Variants in SLC14A2 observed in about 807,000 individuals in gnomAD.
SLC14A2 encodes urea transporter 2.
A neutral mutation model predicts 104.6 loss-of-function variants in SLC14A2; 91 were observed. The ratio of observed to expected loss-of-function variants is 0.87; its 90% CI spans 0.73 to 1.04. SLC14A2 has a LOEUF of 1.04. Among genes scored for constraint, SLC14A2 ranks in the 50% least tolerant of loss-of-function variants. The pLI is 0.00. For synonymous variants in SLC14A2, 476 were observed against 466.4 expected, an observed-to-expected ratio of 1.02 and a Z score of -0.27; for missense variants, 1,189 against 1,156.0, an observed-to-expected ratio of 1.03 and a Z score of -0.41.
intron 2 of SLC14A2, among the ~76,000 whole-genome samples, chr18:45,545,579 A>G (rs2043956732): frequency 6.6e-6 from 1 of 152,234 alleles, no homozygotes; most frequent in South Asian, 2.1e-4. Context: ...TATAATTATC[A>G]AGAAACACGC....
intron 5 of SLC14A2, 61 bp from the exon 6 acceptor site, chr18:45,636,929 C>G: frequency 7.2e-7 from 1 of 1,385,594 alleles, no homozygotes; most frequent in East Asian, 2.3e-5. Context: ...GCCAGAGCTG[C>G]TGAGACAATG....
At chr18:45,650,746 GT>G (rs61223496) in intron 10 of SLC14A2, among the ~76,000 whole-genome samples, 81,886 of 151,792 alleles carry the variant, frequency 0.54, 22,818 homozygotes, top group African/African-American at 0.68. Flanking sequence ...GTCTTGTTTT[GT>G]TTTGTTTTTG....
chr18:45,670,593 A>G (rs1300635381), intron 16 of SLC14A2, among the ~76,000 whole-genome samples: 1 of 152,222 alleles, frequency 6.6e-6, no homozygotes. Flanking sequence ...AGCGTGGTGT[A>G]GTAGAAAGAG....
chr18:45,679,178 G>A lies in SLC14A2; in HGVS notation c.2562+154G>A, dbSNP rs550460872. Reference sequence around the variant, plus strand: ...CACTACTCACTTCAGCACCTGCTAGGCAGAGGGAGCCAGGCCCCAAAAGTT... The same window carrying A: ...CACTACTCACTTCAGCACCTGCTAGACAGAGGGAGCCAGGCCCCAAAAGTT... On this transcript the variant is annotated intron_variant, in intron 19 of 19. Coordinates refer to ENST00000255226, the MANE Select transcript of SLC14A2 (RefSeq NM_007163.4). Among the ~76,000 whole-genome samples the A allele has an allele frequency of 4.6e-5, 7 of 152,180 alleles. No individual in the cohort carries two copies. The East Asian group carries it at 1.4e-3, about 29-fold the overall frequency.
chr18:45,296,573 A>G (rs563320601), intron 1 of SLC14A2, among the ~76,000 whole-genome samples: 8 of 152,126 alleles, frequency 5.3e-5, no homozygotes, highest in Non-Finnish European at 1.2e-4. Flanking sequence ...CTCAAACTAC[A>G]TGCTGGATTA....
At chr18:45,230,436 A>G (rs1461154261) in intron 1 of SLC14A2, among the ~76,000 whole-genome samples, 1 of 152,172 alleles carries the variant, frequency 6.6e-6, no homozygotes, top group Non-Finnish European at 1.5e-5. Flanking sequence ...TTCATTTTCA[A>G]GGACAGTGAC....
At chr18:45,386,908 G>A (rs1288166575) in intron 1 of SLC14A2, among the ~76,000 whole-genome samples, 2 of 152,228 alleles carry the variant, frequency 1.3e-5, no homozygotes, top group Non-Finnish European at 2.9e-5. Flanking sequence ...GTGAGCACAG[G>A]CAGTAAATGG....
At chr18:45,588,791 A>G (rs979854589) in intron 2 of SLC14A2, among the ~76,000 whole-genome samples, 3 of 152,182 alleles carry the variant, frequency 2.0e-5, no homozygotes, top group African/African-American at 2.4e-5. Flanking sequence ...CACTTCTCCC[A>G]TTCTGGTGAT....
chr18:45,375,546 A>C (rs1439446665), intron 1 of SLC14A2, among the ~76,000 whole-genome samples: 5 of 152,206 alleles, frequency 3.3e-5, no homozygotes, highest in African/African-American at 1.2e-4. Flanking sequence ...AAAAACTCTG[A>C]TTCCAGAATA....
At chr18:45,655,664 A>G (rs2045824003) in intron 10 of SLC14A2, among the ~76,000 whole-genome samples, 1 of 152,236 alleles carries the variant, frequency 6.6e-6, no homozygotes, top group Admixed American at 6.5e-5. Flanking sequence ...AGAAGAAGGC[A>G]TAGAAGAGCA....
intron 1 of SLC14A2, among the ~76,000 whole-genome samples, chr18:45,299,345 C>A (rs1027460266): frequency 2.0e-5 from 3 of 152,248 alleles, no homozygotes; most frequent in African/African-American, 7.2e-5. Context: ...TGTCTTCTTG[C>A]CATCTTTTTG....
At chr18:45,244,487 C>T (rs111242501) in intron 1 of SLC14A2, among the ~76,000 whole-genome samples, 4,121 of 152,092 alleles carry the variant, frequency 0.027, 184 homozygotes, top group African/African-American at 0.095. Flanking sequence ...ATTAGCCGGG[C>T]GTGGTGGCAC....
chr18:45,660,009 T>C (rs12957040), intron 10 of SLC14A2, among the ~76,000 whole-genome samples: 41,087 of 151,354 alleles, frequency 0.27, 6,844 homozygotes, highest in Middle Eastern at 0.4. Flanking sequence ...GAGGCATGCT[T>C]GTAGTCCCAA....
At chr18:45,511,908 T>A (rs183352391) in intron 2 of SLC14A2, among the ~76,000 whole-genome samples, 3 of 152,270 alleles carry the variant, frequency 2.0e-5, no homozygotes, top group Non-Finnish European at 1.5e-5. Flanking sequence ...TAAAGCACTA[T>A]GGCAAGAAAA....
At chr18:45,546,039 C>G (rs2852267) in intron 2 of SLC14A2, among the ~76,000 whole-genome samples, 5,351 of 152,196 alleles carry the variant, frequency 0.035, 309 homozygotes, top group African/African-American at 0.12. Context: ...TTGTATATTT[C>G]CAGTGGAACT....
intron 2 of SLC14A2, among the ~76,000 whole-genome samples, chr18:45,584,764 G>C (rs1287835154): frequency 1.3e-5 from 2 of 152,118 alleles, no homozygotes. Flanking sequence ...TCTGTCATTT[G>C]GCCTATGCTT....
intron 1 of SLC14A2, among the ~76,000 whole-genome samples, chr18:45,377,802 A>C (rs1223142732): frequency 6.6e-6 from 1 of 152,008 alleles, no homozygotes; most frequent in Non-Finnish European, 1.5e-5. Context: ...ATGATTCTCT[A>C]TTACCTACTA....
At chr18:45,290,080 G>GT (rs1426156722) in intron 1 of SLC14A2, among the ~76,000 whole-genome samples, 13 of 151,532 alleles carry the variant, frequency 8.6e-5, no homozygotes, top group African/African-American at 2.9e-4. Flanking sequence ...TCATTGCACT[G>GT]TTTTTTTGTT....
chr18:45,439,526 G>C (rs1297115782), intron 1 of SLC14A2, among the ~76,000 whole-genome samples: 2 of 152,116 alleles, frequency 1.3e-5, no homozygotes, highest in East Asian at 3.8e-4. Context: ...CACCATGGTA[G>C]GTGTTGAGGA....
Sources: gnomAD v4.1 joint callset for allele counts (sites outside exome capture counted in the v4.1 genomes callset) on GRCh38, gnomAD v4.1.1 for gene constraint, MANE v1.5 for transcripts, NCBI Gene and HGNC (gene_info 2026-07-23, HGNC 2026-07-21) for gene names.